The following STAG1 variants were observed in gnomAD, a reference collection of about 807,000 sequenced individuals.
STAG1 encodes cohesin subunit SA-1.
STAG1 carries 26 observed loss-of-function variants against 170.9 expected under a neutral mutation model. The observed-to-expected ratio is 0.15, with a 90% CI of 0.11 to 0.21. STAG1 has a LOEUF of 0.21. Ranked by LOEUF, STAG1 falls within the 10% of genes least tolerant of loss-of-function variation. The pLI is 1.00. For missense variants in STAG1, 964 were observed against 1,509.5 expected (o/e 0.64, Z 5.99); for synonymous variants, 514 against 497.7 (o/e 1.03, Z -0.44).
At chr3:136,536,634 G>GA (rs1935641794) in intron 6 of STAG1, among the ~76,000 whole-genome samples, 2 of 144,606 alleles carry the variant, frequency 1.4e-5, no homozygotes, top group African/African-American at 5.2e-5. Context: ...TCGGGAGGCA[G>GA]AAGTTGCCGT....
chr3:136,711,419 G>A (rs1298194454), intron 1 of STAG1, among the ~76,000 whole-genome samples: 1 of 152,112 alleles, frequency 6.6e-6, no homozygotes, highest in Non-Finnish European at 1.5e-5. Context: ...AAATTAGCCA[G>A]GCATGGTGGC....
intron 4 of STAG1, among the ~76,000 whole-genome samples, chr3:136,573,002 C>A (rs1261760948): frequency 6.6e-6 from 1 of 151,902 alleles, no homozygotes; most frequent in Non-Finnish European, 1.5e-5. Context: ...ACAGTGATAC[C>A]CTCACTCTAC....
Position 136,344,024 on chromosome 3 carries a change from A to G in STAG1, c.3272-18T>C, listed in dbSNP as rs1936113959. On this transcript the variant is annotated intron_variant, in intron 29 of 33. Transcript: ENST00000383202. ...ACTCTCATCTGTAAAATTCCAGTTA[A>G]GGTCACACAATGTCGTGGGTGGAGT... 1.3e-6 allele frequency: 2 copies of G among 1,551,174 alleles called. No homozygotes were observed. Among genetic ancestry groups the G allele is most frequent in the Admixed American group, 1.9e-5 (1 of 51,526 alleles).
At chr3:136,627,772 A>T (rs1423474239) in intron 2 of STAG1, among the ~76,000 whole-genome samples, 2 of 152,220 alleles carry the variant, frequency 1.3e-5, no homozygotes, top group Non-Finnish European at 2.9e-5. Flanking sequence ...AATTAAGAGC[A>T]TGGAAGAGTA....
At chr3:136,505,892 T>A (rs922567038) in intron 7 of STAG1, among the ~76,000 whole-genome samples, 2 of 152,162 alleles carry the variant, frequency 1.3e-5, no homozygotes, top group Non-Finnish European at 2.9e-5. Flanking sequence ...GGGACAGTTA[T>A]AAGGTAAACT....
chr3:136,643,413 G>T (rs1188863014), intron 1 of STAG1, among the ~76,000 whole-genome samples: 1 of 152,170 alleles, frequency 6.6e-6, no homozygotes, highest in Non-Finnish European at 1.5e-5. Flanking sequence ...TACTTCAAAA[G>T]GATGGTCTTA....
intron 8 of STAG1, among the ~76,000 whole-genome samples, chr3:136,502,180 C>CAA (rs796535790): frequency 1.4e-5 from 2 of 142,234 alleles, no homozygotes; most frequent in African/African-American, 5.1e-5. Flanking sequence ...CTCCATCCCC[C>CAA]AAAAAAAAAA....
At chr3:136,363,821 C>T (rs554516214) in intron 25 of STAG1, among the ~76,000 whole-genome samples, 6 of 152,260 alleles carry the variant, frequency 3.9e-5, no homozygotes, top group South Asian at 2.1e-4. Flanking sequence ...GTGGTGTGAT[C>T]GTAGCTCACT....
At chr3:136,472,096 C>G (rs1214089465) in intron 12 of STAG1, among the ~76,000 whole-genome samples, 1 of 152,130 alleles carries the variant, frequency 6.6e-6, no homozygotes, top group Non-Finnish European at 1.5e-5. Context: ...CTTGGCCTTC[C>G]AAAATGCTGG....
At chr3:136,389,350 C>T (rs9809427) in intron 22 of STAG1, among the ~76,000 whole-genome samples, 6,109 of 152,186 alleles carry the variant, frequency 0.04, 159 homozygotes, top group East Asian at 0.13. Context: ...CACTCTGTCA[C>T]GCAGGGTGGA....
rs143718607 is a variant in STAG1, at chr3:136,422,824, G to A, written c.1777C>T (p.Leu593=). The part of the protein sequence containing the change: ...SADAEKVANL[L]QIPQYFDLEI... The stretch of plus-strand genomic sequence containing the variant: ...AAATCAAAATACTGTGGGATTTGTA[G>A]CAAGTTTGCTACCTTCTCTGCATCT... The change falls in exon 18 of 34, where the codon CTA becomes TTA. Residue 593 remains leucine (L), a synonymous_variant. Transcript: ENST00000383202. The A allele has an allele frequency of 1.3e-4, 215 of 1,610,032 alleles. No homozygotes were observed. The highest frequency in any genetic ancestry group is 1.7e-4 in the Non-Finnish European group (201 of 1,179,094).
Position 136,386,279 on chromosome 3 carries a change from T to C in STAG1, c.2278-8527A>G, listed in dbSNP as rs530012630. On this transcript the variant is annotated intron_variant, in intron 22 of 33. Transcript: ENST00000383202. ...GCTTGAACCCAGGAGGCGGAGGTTGTGGTGAGCCGAGATCGTGCCATTGCA... is the reference window on the plus strand; with the variant it reads ...GCTTGAACCCAGGAGGCGGAGGTTGCGGTGAGCCGAGATCGTGCCATTGCA... Among the ~76,000 whole-genome samples the C allele has an allele frequency of 4.6e-5, 7 of 152,120 alleles. No individual in the cohort carries two copies. The South Asian group carries it at 1.2e-3, about 27-fold the overall frequency.
intron 29 of STAG1, among the ~76,000 whole-genome samples, chr3:136,347,344 C>G (rs1936266929): frequency 7.5e-6 from 1 of 133,204 alleles, no homozygotes. Flanking sequence ...TGCAGTGAAC[C>G]AAGATCACAC....
intron 15 of STAG1, among the ~76,000 whole-genome samples, chr3:136,434,332 C>T (rs1480887984): frequency 6.6e-6 from 1 of 151,966 alleles, no homozygotes; most frequent in Non-Finnish European, 1.5e-5. Flanking sequence ...TGTTTGGTTC[C>T]TTATATCCCT....
chr3:136,704,477 G>C (rs1050847711), intron 1 of STAG1, among the ~76,000 whole-genome samples: 1 of 152,104 alleles, frequency 6.6e-6, no homozygotes, highest in Non-Finnish European at 1.5e-5. Flanking sequence ...CAAAAGAGAG[G>C]AAGGGCAACA....
chr3:136,498,223 T>TATATAC (rs1933237625), intron 9 of STAG1, among the ~76,000 whole-genome samples: 1 of 66,656 alleles, frequency 1.5e-5, no homozygotes, highest in Non-Finnish European at 2.7e-5. Flanking sequence ...TATATATATA[T>TATATAC]ATATATATAT....
chr3:136,524,889 G>C (rs1934913592), intron 6 of STAG1, among the ~76,000 whole-genome samples: 1 of 152,152 alleles, frequency 6.6e-6, no homozygotes, highest in Admixed American at 6.6e-5. Context: ...TCATGTGCTG[G>C]ATTACGTTTA....
chr3:136,399,987 A>T (rs1427267180), intron 21 of STAG1, among the ~76,000 whole-genome samples: 2 of 152,066 alleles, frequency 1.3e-5, no homozygotes, highest in African/African-American at 4.8e-5. Flanking sequence ...CAGTGGTGTG[A>T]TCACGGCTCA....
chr3:136,590,987 T>G (rs1938136992), intron 4 of STAG1, among the ~76,000 whole-genome samples: 1 of 151,334 alleles, frequency 6.6e-6, no homozygotes, highest in Non-Finnish European at 1.5e-5. Context: ...TGGTTGGGTG[T>G]TGTTTTGTTT....
Sources: allele counts gnomAD v4.1 joint callset (sites outside exome capture counted in the v4.1 genomes callset), GRCh38; gene constraint gnomAD v4.1.1; transcripts MANE v1.5; gene names NCBI Gene and HGNC (gene_info 2026-07-23, HGNC 2026-07-21).